ST8SIA5: variants seen among roughly 807,000 people sequenced by gnomAD.
ST8SIA5 encodes the protein alpha-2,8-sialyltransferase 8E.
In ST8SIA5, 24 loss-of-function variants were observed where a neutral mutation model predicts 40.2. That is an observed-to-expected ratio of 0.60 (90% CI 0.43 to 0.84). The LOEUF is 0.84. ST8SIA5 is among the 40% of genes least tolerant of loss of function. The probability of loss-of-function intolerance (pLI) is 0.00; values close to 1 mark genes in which losing one functional copy is unlikely to be tolerated. For synonymous variants in ST8SIA5, 198 were observed against 201.8 expected (o/e 0.98, Z 0.16); for missense variants, 465 against 498.5 (o/e 0.93, Z 0.64).
chr18:46,681,554 ACCTCC>A (rs1334717751), intron 6 of ST8SIA5, among the ~76,000 whole-genome samples: 1 of 151,898 alleles, frequency 6.6e-6, no homozygotes, highest in Non-Finnish European at 1.5e-5. Context: ...TCTCCCCAGT[ACCTCC>A]TGGACACAGC....
chr18:46,701,005 T>A (rs1052621047), intron 2 of ST8SIA5, among the ~76,000 whole-genome samples: 8 of 152,126 alleles, frequency 5.3e-5, no homozygotes, highest in Non-Finnish European at 1.2e-4. Flanking sequence ...GGGTTATTTC[T>A]AATCTGGCCC....
intron 1 of ST8SIA5, among the ~76,000 whole-genome samples, chr18:46,707,840 G>A (rs2039684725): frequency 6.6e-6 from 1 of 152,208 alleles, no homozygotes; most frequent in Non-Finnish European, 1.5e-5. Flanking sequence ...AGGAGATGCT[G>A]TTTATGAACC....
intron 2 of ST8SIA5, among the ~76,000 whole-genome samples, chr18:46,694,899 C>A (rs1223669077): frequency 6.6e-6 from 1 of 151,976 alleles, no homozygotes; most frequent in Non-Finnish European, 1.5e-5. Context: ...TGGCTCACGT[C>A]TCTAATCCCA....
intron 4 of ST8SIA5, among the ~76,000 whole-genome samples, 196 bp downstream of exon 4, chr18:46,688,579 G>C (rs1410311495): frequency 6.6e-6 from 1 of 152,210 alleles, no homozygotes; most frequent in Non-Finnish European, 1.5e-5. Context: ...TGGCAGTCAT[G>C]GTTCTCAGAC....
intron 1 of ST8SIA5, among the ~76,000 whole-genome samples, chr18:46,730,044 C>G (rs1184248771): frequency 6.6e-6 from 1 of 152,118 alleles, no homozygotes; most frequent in African/African-American, 2.4e-5. Context: ...GGCAGAAGTG[C>G]CAGTTTGATG....
At chr18:46,721,177 C>T (rs1235348280) in intron 1 of ST8SIA5, among the ~76,000 whole-genome samples, 14 of 152,142 alleles carry the variant, frequency 9.2e-5, no homozygotes, top group Non-Finnish European at 1.6e-4. Context: ...TCCTATGCCT[C>T]ACCCTTCAAA....
In ST8SIA5 at chr18:46,677,318, G is replaced by GTTCCCTCCATTGGGTGCCC. The variant is rs1207129720; in HGVS notation, c.*2723_*2724insGGGCACCCAATGGAGGGAA. ...GGTGCAGTTCCCTCCATTGGGTGCC[G>GTTCCCTCCATTGGGTGCCC]TTCCCTCCATTGGGTGCCTGACCAA... On this transcript the variant is annotated 3_prime_UTR_variant, in exon 7 of 7. Coordinates refer to ENST00000315087, the MANE Select transcript of ST8SIA5 (RefSeq NM_013305.6). 6.6e-6 allele frequency: 1 copy of GTTCCCTCCATTGGGTGCCC among 152,492 alleles called. No homozygotes were observed. The highest frequency in any genetic ancestry group is 1.9e-4 in the East Asian group (1 of 5,146). 9.4% of individuals were successfully genotyped at this position (152,492 alleles called of 1,614,324 possible). A position where few individuals can be genotyped will look rare whatever the true frequency, so the allele number is the denominator to read the frequency against.
intron 5 of ST8SIA5, among the ~76,000 whole-genome samples, chr18:46,683,978 G>A (rs1228186764): frequency 6.6e-6 from 1 of 151,982 alleles, no homozygotes; most frequent in Non-Finnish European, 1.5e-5. Flanking sequence ...CTCGTTCCTA[G>A]TGCAATAGCA....
At chr18:46,682,655 G>A (rs1367917152) in intron 5 of ST8SIA5, among the ~76,000 whole-genome samples, 1 of 152,216 alleles carries the variant, frequency 6.6e-6, no homozygotes, top group Non-Finnish European at 1.5e-5. Flanking sequence ...GCCTTACGTG[G>A]CAGAAGGGAC....
At chr18:46,740,179 A>T (rs988948280) in intron 1 of ST8SIA5, among the ~76,000 whole-genome samples, 2 of 152,194 alleles carry the variant, frequency 1.3e-5, no homozygotes, top group African/African-American at 4.8e-5. Context: ...TATTAAATTG[A>T]TGAATAGTCT....
In ST8SIA5 at chr18:46,725,969, A is replaced by AT. The variant is rs1568271106; in HGVS notation, c.132-21306_132-21305insA. On this transcript the variant is annotated intron_variant, in intron 1 of 6. Coordinates refer to ENST00000315087, the MANE Select transcript of ST8SIA5 (RefSeq NM_013305.6). ...AACCCCATCTCTACTTAAAAAAAAAAAAAATATATATATATATATATATAT... is the reference window on the plus strand; with the variant it reads ...AACCCCATCTCTACTTAAAAAAAAAATAAAATATATATATATATATATATAT... 5.3e-4 allele frequency among the ~76,000 whole-genome samples: 24 copies of AT among 45,602 alleles called. 2 individuals carry two copies. The highest frequency in any genetic ancestry group is 2.1e-3 in the South Asian group (2 of 958). 29.9% of individuals were successfully genotyped at this position (45,602 alleles called of 152,430 possible).
At chr18:46,718,518 A>G (rs1256311619) in intron 1 of ST8SIA5, among the ~76,000 whole-genome samples, 3 of 151,990 alleles carry the variant, frequency 2.0e-5, no homozygotes, top group African/African-American at 7.3e-5. Context: ...CAATAAGAAG[A>G]TCTGACCACA....
rs776557263 is a variant in ST8SIA5 at position 46,680,493 on chromosome 18, T to C, written c.680A>G (p.Lys227Arg). 1.5e-5 allele frequency: 24 copies of C among 1,593,868 alleles called. No individual in the cohort carries two copies. The highest frequency in any genetic ancestry group is 4.5e-5 in the South Asian group (4 of 88,602). ...IITERFHKLE[K>R]WRRPFYRVLQ... ...CACGCGATAGAACGGCCGCCGCCAC[T>C]TCTCCAGCTTGTGGAACCTACACAG... Residue 227 changes from lysine (K) to arginine (R), a missense_variant, in exon 7 of 7, where the codon AAG (lysine) becomes AGG (arginine). Transcript: ENST00000315087.
At chr18:46,753,092 C>T (rs1420379706) in intron 1 of ST8SIA5, among the ~76,000 whole-genome samples, 1 of 152,314 alleles carries the variant, frequency 6.6e-6, no homozygotes, top group Non-Finnish European at 1.5e-5. Context: ...TACATCTGCC[C>T]TCTTCGTCCC....
At chr18:46,712,936 G>A (rs1276852921) in intron 1 of ST8SIA5, among the ~76,000 whole-genome samples, 1 of 152,246 alleles carries the variant, frequency 6.6e-6, no homozygotes, top group Non-Finnish European at 1.5e-5. Flanking sequence ...GCCCTGTGCA[G>A]ATGTGTGGGA....
intron 1 of ST8SIA5, among the ~76,000 whole-genome samples, chr18:46,745,131 C>T (rs1246459693): frequency 6.6e-6 from 1 of 152,130 alleles, no homozygotes; most frequent in Non-Finnish European, 1.5e-5. Flanking sequence ...CTAAAATTGA[C>T]ACCCTAACAT....
At chr18:46,730,764 G>C (rs1259802976) in intron 1 of ST8SIA5, among the ~76,000 whole-genome samples, 1 of 152,138 alleles carries the variant, frequency 6.6e-6, no homozygotes, top group Non-Finnish European at 1.5e-5. Context: ...TCACACCACT[G>C]CACTCTAGCC....
intron 4 of ST8SIA5, among the ~76,000 whole-genome samples, chr18:46,687,952 C>T (rs545988091): frequency 5.3e-5 from 8 of 152,344 alleles, no homozygotes; most frequent in Admixed American, 1.3e-4. Flanking sequence ...TGGCTGAAAG[C>T]GCAGGTTCCA....
At chr18:46,709,588 C>T (rs2039702292) in intron 1 of ST8SIA5, among the ~76,000 whole-genome samples, 1 of 152,126 alleles carries the variant, frequency 6.6e-6, no homozygotes. Context: ...GGTCTGGATA[C>T]AGATATACAG....
Sources: gnomAD v4.1 joint callset for allele counts (sites outside exome capture counted in the v4.1 genomes callset) on GRCh38, gnomAD v4.1.1 for gene constraint, MANE v1.5 for transcripts, NCBI Gene and HGNC (gene_info 2026-07-23, HGNC 2026-07-21) for gene names.